Variants in UGT2B4 observed in about 807,000 individuals in gnomAD.
UGT2B4 encodes the protein UDP-glucuronosyltransferase 2B4.
Under a neutral mutation model 49.8 loss-of-function variants are expected in UGT2B4, and 49 were observed. The observed-to-expected ratio is 0.98, with a 90% CI of 0.78 to 1.25. The LOEUF is 1.25. Ranked by LOEUF, UGT2B4 falls within the 50% of genes most tolerant of loss-of-function variation. UGT2B4 has a pLI of 0.00. For synonymous variants in UGT2B4, 246 were observed against 217.7 expected (o/e 1.13, Z -1.14); for missense variants, 729 against 627.7 (o/e 1.16, Z -1.73).
At chr4:69,481,099 A>AAAAAAAG (rs1727577109) in intron 5 of UGT2B4, among the ~76,000 whole-genome samples, 189 bp from the exon 6 acceptor site, 1 of 146,538 alleles carries the variant, frequency 6.8e-6, no homozygotes, top group Non-Finnish European at 1.5e-5. Context: ...ATGAAAAAAA[A>AAAAAAAG]AAAAAAAAAA....
At position 69,493,734 on chromosome 4, in the gene UGT2B4, C is replaced by G. The variant is rs41300004; in HGVS notation, c.829G>C (p.Val277Leu). Residue 277 changes from valine to leucine, a missense_variant, in exon 2 of 6, where the codon GTT (valine) becomes CTT (leucine). Transcript: ENST00000305107. ...GCAGGTTTGCAGTGGAGTCCTCCAA[C>G]GAACTCAACATTTGGTAAGAGTGGG... ...PHPLLPNVEF[V>L]GGLHCKPAKP... 3.7e-6 allele frequency: 6 copies of G among 1,610,976 alleles called. No individual in the cohort carries two copies. In the South Asian group the frequency reaches 6.6e-5, roughly 18 times the overall value.
In UGT2B4 at chr4:69,485,606, G is replaced by A. The variant is rs374813975; in HGVS notation, c.1091-179C>T. ...CTGGAGATGTAAGTGAAGGCTATGT[G>A]GTGTGTTTAACTTCAGACTGAAAAA... is the stretch of plus-strand genomic sequence containing the variant. On this transcript the variant is annotated intron_variant, in intron 4 of 5. Coordinates refer to ENST00000305107, the MANE Select transcript of UGT2B4 (RefSeq NM_021139.3). Among the ~76,000 whole-genome samples, 61 of 152,160 alleles carry A rather than the reference G, an allele frequency of 4.0e-4. 2 individuals are homozygous for A. The South Asian group carries it at 0.012, about 31-fold the overall frequency.
At chr4:69,486,798 A>T (rs1299564815) in intron 3 of UGT2B4, 102 bp from the exon 4 acceptor site, 2 of 843,886 alleles carry the variant, frequency 2.4e-6, no homozygotes, top group African/African-American at 3.5e-5. Flanking sequence ...AAGGGATGTT[A>T]AGTAACAAGA....
rs764240029 is a variant in UGT2B4, at chr4:69,480,764, A to C, written c.1457T>G (p.Phe486Cys). 2.5e-6 allele frequency: 4 copies of C among 1,614,012 alleles called. No individual in the cohort carries two copies. Among genetic ancestry groups the C allele is most frequent in the Non-Finnish European group, 3.4e-6 (4 of 1,179,912 alleles). The stretch of plus-strand genomic sequence containing the variant: ...AGTCACATCCAAAGAGTGGTACTGG[A>C]ACCAGGTGAGGTCGTGGGCTGCAAC... ...LRVAAHDLTW[F>C]QYHSLDVTGF... Residue 486 changes from phenylalanine (F) to cysteine (C), a missense_variant, in exon 6 of 6, where the codon TTC (phenylalanine) becomes TGC (cysteine). Transcript: ENST00000305107.
intron 2 of UGT2B4, among the ~76,000 whole-genome samples, chr4:69,492,123 G>A (rs955283663): frequency 6.6e-6 from 1 of 151,924 alleles, no homozygotes; most frequent in East Asian, 1.9e-4. Flanking sequence ...ATTCAGATAC[G>A]AGTGGTAGAA....
intron 1 of UGT2B4, among the ~76,000 whole-genome samples, chr4:69,524,453 A>AGTG (rs1728923761): frequency 6.6e-6 from 1 of 152,094 alleles, no homozygotes; most frequent in Non-Finnish European, 1.5e-5. Flanking sequence ...CAGTAGACAA[A>AGTG]TAATATGTAA....
At chr4:69,515,724 AT>A (rs937039292) in intron 1 of UGT2B4, among the ~76,000 whole-genome samples, 1 of 152,094 alleles carries the variant, frequency 6.6e-6, no homozygotes, top group Non-Finnish European at 1.5e-5. Context: ...CCAGGAGCTC[AT>A]TTTTTGAAAA....
rs550152016 is a variant in UGT2B4 at position 69,480,836 on chromosome 4, A to G, written c.1385T>C (p.Phe462Ser). The G allele has an allele frequency of 2.5e-6, 4 of 1,613,880 alleles. No individual in the cohort carries two copies. In the South Asian group the frequency reaches 4.4e-5, roughly 18 times the overall value. ...ATGGCGCATGACAAATTCAATCCAG[A>G]AGACTGCTCGATCAAGGGGCTTCAC... ...QPVKPLDRAV[F>S]WIEFVMRHKG... Residue 462 changes from phenylalanine (F) to serine (S), a missense_variant, in exon 6 of 6, where the codon TTC becomes TCC. Transcript: ENST00000305107.
chr4:69,480,917 G>A lies in UGT2B4; in HGVS notation c.1311-7C>T. ...CATAGCATTCTCTTTATATCTAAAC[G>A]ATAAGCAGAAAAGTATCAACATTGA... On this transcript the variant is annotated splice_region_variant and splice_polypyrimidine_tract_variant and intron_variant, in intron 5 of 5. Transcript: ENST00000305107. 1 of 1,611,902 alleles carries A rather than the reference G, an allele frequency of 6.2e-7. No individual in the cohort carries two copies. The highest frequency in any genetic ancestry group is 8.5e-7 in the Non-Finnish European group (1 of 1,178,668).
intron 5 of UGT2B4, among the ~76,000 whole-genome samples, chr4:69,484,353 A>G (rs1047719097): frequency 2.6e-5 from 4 of 152,212 alleles, no homozygotes; most frequent in Non-Finnish European, 4.4e-5. Flanking sequence ...TGCTCCTAAT[A>G]GCCACAACTG....
intron 1 of UGT2B4, among the ~76,000 whole-genome samples, chr4:69,509,155 T>A (rs1001659341): frequency 2.0e-5 from 3 of 146,608 alleles, no homozygotes; most frequent in Non-Finnish European, 3.0e-5. Flanking sequence ...GATTGTTAGA[T>A]CATATGGAAT....
chr4:69,516,682 C>G (rs1228861525), intron 1 of UGT2B4, among the ~76,000 whole-genome samples: 6 of 151,636 alleles, frequency 4.0e-5, no homozygotes, highest in Non-Finnish European at 7.4e-5. Flanking sequence ...TCTCGGCTCA[C>G]TGCAACCTCC....
Position 69,513,279 on chromosome 4 carries a change from T to C in UGT2B4, c.-106+12408A>G, listed in dbSNP as rs183151285. On this transcript the variant is annotated intron_variant, in intron 1 of 1. Coordinates refer to the UGT2B4 transcript ENST00000510114. ...TTTTGTAAATGATGTAAAGAAGGTG[T>C]CCAGTCTCAATTTTCTGCATATGGC... Among the ~76,000 whole-genome samples the C allele has an allele frequency of 2.9e-3, 436 of 152,324 alleles. 4 individuals carry two copies. The highest frequency in any genetic ancestry group is 0.01 in the African/African-American group (416 of 41,572).
rs760197777 is a variant in UGT2B4, at chr4:69,495,738, T to C, written c.124A>G (p.Ile42Val). ...CCTCTCTGGACAAGTTCATCCAGGA[T>C]TGTCTTTATATTCATCCAGTGGCTG... ...EFSHWMNIKT[I>V]LDELVQRGHE... Residue 42 changes from isoleucine to valine, a missense_variant, in exon 1 of 6, where the codon ATC becomes GTC. Physicochemically the swap from Ile to Val is conservative, Grantham distance 29. Transcript: ENST00000305107. 2 of 1,614,044 alleles carry C rather than the reference T, an allele frequency of 1.2e-6. No individual in the cohort carries two copies. The highest frequency in any genetic ancestry group is 2.2e-5 in the East Asian group (1 of 44,862).
upstream of UGT2B4, among the ~76,000 whole-genome samples, chr4:69,498,129 G>A (rs140071163): frequency 1.2e-3 from 186 of 152,308 alleles, no homozygotes; most frequent in African/African-American, 4.4e-3. Context: ...TTAATAGACT[G>A]CAGCATTGTG....
At chr4:69,517,728 G>T in intron 1 of UGT2B4, 1 of 162,398 alleles carries the variant, frequency 6.2e-6, no homozygotes. Flanking sequence ...TAAAATCGTG[G>T]AGCCACAAGT....
intron 1 of UGT2B4, among the ~76,000 whole-genome samples, chr4:69,505,349 C>T (rs941171028): frequency 3.3e-5 from 5 of 152,210 alleles, no homozygotes; most frequent in African/African-American, 4.8e-5. Flanking sequence ...CAATGGCATA[C>T]ATAGGCTCAA....
intron 1 of UGT2B4, chr4:69,518,178 A>G (rs932881405): frequency 1.0e-4 from 16 of 154,150 alleles, no homozygotes; most frequent in Admixed American, 5.8e-4. Flanking sequence ...GGACCACCTC[A>G]AAGTTCAATG....
upstream of UGT2B4, among the ~76,000 whole-genome samples, chr4:69,497,620 C>G (rs139147396): frequency 1.5e-4 from 23 of 152,148 alleles, no homozygotes; most frequent in African/African-American, 5.1e-4. Flanking sequence ...GCTGCAATCT[C>G]GTGATAAAAC....
Sources: allele counts gnomAD v4.1 joint callset (sites outside exome capture counted in the v4.1 genomes callset), GRCh38; gene constraint gnomAD v4.1.1; transcripts MANE v1.5; gene names NCBI Gene and HGNC (gene_info 2026-07-23, HGNC 2026-07-21).